The following SLC25A28 variants were observed in gnomAD, a reference collection of about 807,000 sequenced individuals.
The protein encoded by SLC25A28 is solute carrier family 25 member 28, also known as mitoferrin-2.
SLC25A28 carries 10 observed loss-of-function variants against 31.9 expected under a neutral mutation model. That is an observed-to-expected ratio of 0.31 (90% confidence interval 0.19 to 0.53). The LOEUF is 0.53. SLC25A28 is among the 20% of genes least tolerant of loss of function. The pLI is 0.95. For missense variants in SLC25A28, 256 were observed against 490.3 expected, an observed-to-expected ratio of 0.52 and a Z score of 4.51; for synonymous variants, 208 against 203.6, an observed-to-expected ratio of 1.02 and a Z score of -0.19.
At chr10:99,621,995 T>C (rs892521608), upstream of SLC25A28, 1 of 152,064 alleles carries the variant, frequency 6.6e-6, no homozygotes, top group Non-Finnish European at 1.5e-5. Context: ...GAAGGTGCCA[T>C]GTGGACACCC....
chr10:99,637,617 C>G, the SLC25A28 span, among the ~76,000 whole-genome samples: 1 of 152,206 alleles, frequency 6.6e-6, no homozygotes, highest in Non-Finnish European at 1.5e-5. Context: ...GTACACAAAT[C>G]AGTAGCTCTC....
the SLC25A28 span, among the ~76,000 whole-genome samples, chr10:99,625,769 A>T: frequency 6.6e-6 from 1 of 152,190 alleles, no homozygotes; most frequent in African/African-American, 2.4e-5. Context: ...AAAGAAAAGG[A>T]TATGTTCTCC....
chr10:99,633,896 A>C, the SLC25A28 span, among the ~76,000 whole-genome samples: 2 of 152,062 alleles, frequency 1.3e-5, no homozygotes, highest in South Asian at 4.2e-4. Flanking sequence ...CACAGAGTCC[A>C]TTTCACCCCC....
chr10:99,637,545 C>T, the SLC25A28 span, among the ~76,000 whole-genome samples: 1 of 152,142 alleles, frequency 6.6e-6, no homozygotes, highest in Non-Finnish European at 1.5e-5. Flanking sequence ...CCTAAAGACT[C>T]CTCCAGAAAG....
chr10:99,624,527 T>C (rs574982957), upstream of SLC25A28, among the ~76,000 whole-genome samples: 1 of 152,230 alleles, frequency 6.6e-6, no homozygotes, highest in Non-Finnish European at 1.5e-5. Context: ...GCACTAAACC[T>C]GCCTAAAAAA....
chr10:99,615,079 G>T (rs1477084176), intron 1 of SLC25A28, among the ~76,000 whole-genome samples: 2 of 152,144 alleles, frequency 1.3e-5, no homozygotes, highest in African/African-American at 4.8e-5. Context: ...CTTCGGCCAG[G>T]CACGGTGGCT....
the SLC25A28 span, among the ~76,000 whole-genome samples, chr10:99,630,152 G>A: frequency 1.2e-4 from 18 of 151,934 alleles, no homozygotes; most frequent in East Asian, 5.8e-4. Context: ...TCTTTGAGAC[G>A]GAGTCCCATT....
At chr10:99,622,686 T>C, upstream of SLC25A28, 1 of 985,470 alleles carries the variant, frequency 1.0e-6, no homozygotes, top group Middle Eastern at 5.2e-4. Flanking sequence ...GACATCTCAG[T>C]CGCTTACACT....
chr10:99,656,217 C>T, the SLC25A28 span, among the ~76,000 whole-genome samples: 287 of 152,176 alleles, frequency 1.9e-3, no homozygotes, highest in Middle Eastern at 3.4e-3. Flanking sequence ...CCAATGGTAA[C>T]AGAATCAAGG....
At chr10:99,634,430 G>A in the SLC25A28 span, among the ~76,000 whole-genome samples, 1 of 34,888 alleles carries the variant, frequency 2.9e-5, no homozygotes, top group East Asian at 5.7e-4. Context: ...AATATTCGAG[G>A]AAATAGCATA....
In SLC25A28 at chr10:99,620,141, C is replaced by A. The variant is rs771648176; in HGVS notation, c.195G>T (p.Ala65=). Residue 65 remains alanine (A), a synonymous_variant, in exon 1 of 4, where the codon GCG becomes GCT. Transcript: ENST00000370495. ...QDPDSGPDYE[A]LPAGATVTTH... ...TGGTGACAGTGGCTCCAGCCGGCAG[C>A]GCCTCGTAGTCCGGGCCGGAGTCCG... is the stretch of plus-strand genomic sequence containing the variant. The A allele has an allele frequency of 7.0e-5, 110 of 1,577,894 alleles. 1 individual carries two copies. The highest frequency in any genetic ancestry group is 9.2e-5 in the Non-Finnish European group (108 of 1,170,092).
At chr10:99,626,405 A>C in the SLC25A28 span, among the ~76,000 whole-genome samples, 2 of 152,244 alleles carry the variant, frequency 1.3e-5, no homozygotes, top group African/African-American at 4.8e-5. Context: ...TTTAGGAAAC[A>C]TTGTTTCAAG....
chr10:99,615,571 A>T, intron 1 of SLC25A28: 1 of 985,422 alleles, frequency 1.0e-6, no homozygotes, highest in Non-Finnish European at 1.2e-6. Context: ...TTCAATCAGA[A>T]ATACTCTACA....
At chr10:99,633,541 C>CA in the SLC25A28 span, among the ~76,000 whole-genome samples, 18 of 151,804 alleles carry the variant, frequency 1.2e-4, no homozygotes, top group Non-Finnish European at 2.5e-4. Context: ...ACTACAAATA[C>CA]AAAAAATTAG....
the SLC25A28 span, among the ~76,000 whole-genome samples, chr10:99,635,337 T>G: frequency 6.6e-6 from 1 of 152,150 alleles, no homozygotes; most frequent in African/African-American, 2.4e-5. Context: ...ACATTGAATG[T>G]AAATGGCCTA....
Position 99,613,262 on chromosome 10 carries a change from T to C in SLC25A28, c.520+434A>G, listed in dbSNP as rs2034572306. On this transcript the variant is annotated intron_variant, in intron 2 of 3. Transcript: ENST00000370495. This position sits in a 1 kb window ranked among gnomAD's most constrained non-coding sequence, Gnocchi z 4.9. ...CTCAACACAAACTGCCTCTGGTGAG[T>C]TGGGATCCTGAAAAGGTGAGGCAAA... Among the ~76,000 whole-genome samples the C allele has an allele frequency of 6.6e-6, 1 of 152,078 alleles. No individual in the cohort carries two copies. Among genetic ancestry groups the C allele is most frequent in the Admixed American group, 6.6e-5 (1 of 15,260 alleles).
At chr10:99,636,655 A>G in the SLC25A28 span, among the ~76,000 whole-genome samples, 1 of 152,240 alleles carries the variant, frequency 6.6e-6, no homozygotes, top group Non-Finnish European at 1.5e-5. Flanking sequence ...CAAGGCTACT[A>G]TGAACACCTT....
chr10:99,614,711 C>A (rs897952551), intron 1 of SLC25A28, among the ~76,000 whole-genome samples: 2 of 152,154 alleles, frequency 1.3e-5, no homozygotes, highest in African/African-American at 2.4e-5. Flanking sequence ...TGTTCTTGGA[C>A]AAAGTTTTGT....
At chr10:99,647,032 T>C in the SLC25A28 span, among the ~76,000 whole-genome samples, 1 of 152,254 alleles carries the variant, frequency 6.6e-6, no homozygotes, top group African/African-American at 2.4e-5. Flanking sequence ...TATTCCATGC[T>C]ATATATAAAA....
Sources: allele counts gnomAD v4.1 joint callset (sites outside exome capture counted in the v4.1 genomes callset), GRCh38; gene constraint gnomAD v4.1.1; non-coding constraint Gnocchi (gnomAD v3.1); transcripts MANE v1.5; gene names NCBI Gene and HGNC (gene_info 2026-07-23, HGNC 2026-07-21).